TBC1D2: variants seen among roughly 807,000 people sequenced by gnomAD.
TBC1D2 encodes TBC1 domain family member 2A.
Under a neutral mutation model 91.1 loss-of-function variants are expected in TBC1D2, and 58 were observed. The ratio of observed to expected loss-of-function variants is 0.64; its 90% CI spans 0.52 to 0.79. The LOEUF is 0.79. TBC1D2 is among the 30% of genes least tolerant of loss of function. The pLI, the probability that TBC1D2 is intolerant of heterozygous loss-of-function variation, is 0.00. For missense variants in TBC1D2, 1,080 were observed against 1,208.3 expected, an observed-to-expected ratio of 0.89 and a Z score of 1.57; for synonymous variants, 482 against 511.5, an observed-to-expected ratio of 0.94 and a Z score of 0.78.
chr9:98,235,777 G>A (rs758673855), intron 3 of TBC1D2, among the ~76,000 whole-genome samples: 2 of 152,204 alleles, frequency 1.3e-5, no homozygotes, highest in African/African-American at 4.8e-5. Context: ...GCTCACGCCT[G>A]TAATCCCAGC....
intron 3 of TBC1D2, chr9:98,235,160 G>A (rs569034430): frequency 9.3e-5 from 23 of 246,516 alleles, no homozygotes; most frequent in African/African-American, 2.1e-4. Flanking sequence ...CTGAGATTAC[G>A]CCACTGCACC....
intron 4 of TBC1D2, among the ~76,000 whole-genome samples, chr9:98,233,021 T>G (rs1829410374): frequency 6.6e-6 from 1 of 152,152 alleles, no homozygotes; most frequent in Non-Finnish European, 1.5e-5. Context: ...TATTAACAGG[T>G]GGGGCCCTTG....
chr9:98,201,404 G>A (rs1828496911), intron 11 of TBC1D2, 75 bp downstream of exon 11: 2 of 1,381,868 alleles, frequency 1.4e-6, no homozygotes, highest in South Asian at 1.3e-5. Context: ...CCATTCTCCA[G>A]GGGCAGAGTC....
chr9:98,213,054 G>T, intron 7 of TBC1D2, 54 bp downstream of exon 7: 1 of 1,591,022 alleles, frequency 6.3e-7, no homozygotes, highest in South Asian at 1.1e-5. Flanking sequence ...GCAGCATGGG[G>T]ACCAGCAGAG....
Position 98,210,639 on chromosome 9 carries a change from T to C in TBC1D2, c.1673+17A>G. The C allele has an allele frequency of 1.3e-6, 2 of 1,563,360 alleles. No homozygotes were observed. Among genetic ancestry groups the C allele is most frequent in the Non-Finnish European group, 1.7e-6 (2 of 1,152,056 alleles). On this transcript the variant is annotated intron_variant, in intron 8 of 12. Coordinates refer to ENST00000465784, the MANE Select transcript of TBC1D2 (RefSeq NM_001267571.2). Reference sequence around the variant, plus strand: ...CCAGCTCACATAGACCAGCCCTTCCTGGGCCGCCAGGCTCACCTGATGGGG... The same window carrying C: ...CCAGCTCACATAGACCAGCCCTTCCCGGGCCGCCAGGCTCACCTGATGGGG...
chr9:98,208,838 C>G lies in TBC1D2; in HGVS notation c.1980G>C (p.Gln660His), dbSNP rs551026658. ...GGCGGGCAGCAGGGTGCTCGCGGGCCTGGCCCCGGCTCAGCAGTTCCTGGT... is the reference window on the plus strand; with the variant it reads ...GGCGGGCAGCAGGGTGCTCGCGGGCGTGGCCCCGGCTCAGCAGTTCCTGGT... ...GCYQELLSRG[Q>H]AREHPAARQI... Residue 660 changes from glutamine to histidine, a missense_variant, in exon 9 of 13, where the codon CAG (glutamine) becomes CAC (histidine). Physicochemically the swap from Gln to His is conservative, Grantham distance 24. Coordinates refer to ENST00000465784, the MANE Select transcript of TBC1D2 (RefSeq NM_001267571.2). 20 of 1,609,256 alleles carry G rather than the reference C, an allele frequency of 1.2e-5. No homozygotes were observed. In the East Asian group the frequency reaches 4.0e-4, roughly 32 times the overall value.
chr9:98,213,235 A>G lies in TBC1D2; in HGVS notation c.1375-17T>C. 6.2e-7 allele frequency: 1 copy of G among 1,613,992 alleles called. No homozygotes were observed. The highest frequency in any genetic ancestry group is 8.5e-7 in the Non-Finnish European group (1 of 1,179,944). ...CATGTCATCCTGGAGAAGAGAGTAA[A>G]ATATGTTATCAGTTGGACATAAACA... On this transcript the variant is annotated splice_polypyrimidine_tract_variant and intron_variant, in intron 6 of 12. Coordinates refer to ENST00000465784, the MANE Select transcript of TBC1D2 (RefSeq NM_001267571.2).
At chr9:98,242,542 C>CA (rs1270192739) in intron 3 of TBC1D2, among the ~76,000 whole-genome samples, 2 of 152,112 alleles carry the variant, frequency 1.3e-5, no homozygotes, top group African/African-American at 4.8e-5. Context: ...TCCATCCCTT[C>CA]AACTAGAGTA....
In TBC1D2 at chr9:98,201,625, G is replaced by C; in HGVS notation, c.2311C>G (p.Leu771Val). The change falls in exon 11 of 13, where the codon CTG (leucine) becomes GTG (valine). Residue 771 changes from leucine (L) to valine (V), a missense_variant. Physicochemically the swap from Leu to Val is conservative, Grantham distance 32. Transcript: ENST00000465784. ...CCCAGATGGGCCATCAGCCTGGGCAGCTTCTCCGAGAGCAGGTCCTGGAGC... is the reference window on the plus strand; with the variant it reads ...CCCAGATGGGCCATCAGCCTGGGCACCTTCTCCGAGAGCAGGTCCTGGAGC... Reference protein sequence around the residue: ...RVLQDLLSEKLPRLMAHLGQH... With the variant: ...RVLQDLLSEKVPRLMAHLGQH... 3 of 1,613,832 alleles carry C rather than the reference G, an allele frequency of 1.9e-6. No individual in the cohort carries two copies. Among genetic ancestry groups the C allele is most frequent in the South Asian group, 2.2e-5 (2 of 91,070 alleles).
At chr9:98,201,450 C>A in intron 11 of TBC1D2, 29 bp downstream of exon 11, 3 of 1,604,448 alleles carry the variant, frequency 1.9e-6, no homozygotes, top group Non-Finnish European at 2.6e-6. Flanking sequence ...GCTCAGGGGC[C>A]CCCTGCCCAT....
chr9:98,222,622 G>A lies in TBC1D2; in HGVS notation c.979-1394C>T, dbSNP rs148940115. On this transcript the variant is annotated intron_variant, in intron 5 of 12. Coordinates refer to ENST00000465784, the MANE Select transcript of TBC1D2 (RefSeq NM_001267571.2). ...GGCCTATCTGTCCCAAAGCAGGGATGTGAATTTGTTCTGGGCCAGGATCAG... is the reference window on the plus strand; with the variant it reads ...GGCCTATCTGTCCCAAAGCAGGGATATGAATTTGTTCTGGGCCAGGATCAG... 7.2e-5 allele frequency among the ~76,000 whole-genome samples: 11 copies of A among 152,366 alleles called. No individual in the cohort carries two copies. The East Asian group carries it at 2.1e-3, about 29-fold the overall frequency.
At chr9:98,250,817 G>C (rs1829857427) in intron 2 of TBC1D2, among the ~76,000 whole-genome samples, 4 of 152,146 alleles carry the variant, frequency 2.6e-5, no homozygotes, top group African/African-American at 9.7e-5. Context: ...CTGTGAGGTG[G>C]TCCATACCGA....
chr9:98,232,342 G>GTTTTTTTTTTTTTTTTTTTTT lies in TBC1D2; in HGVS notation c.781+1073_781+1074insAAAAAAAAAAAAAAAAAAAAA, dbSNP rs753455224. Among the ~76,000 whole-genome samples, 98 of 86,740 alleles carry GTTTTTTTTTTTTTTTTTTTTT rather than the reference G, an allele frequency of 1.1e-3. 9 individuals are homozygous for GTTTTTTTTTTTTTTTTTTTTT. Among genetic ancestry groups the GTTTTTTTTTTTTTTTTTTTTT allele is most frequent in the African/African-American group, 1.5e-3 (33 of 21,990 alleles). 56.9% of individuals were successfully genotyped at this position (86,740 alleles called of 152,430 possible). ...TTTCTTTTCTTCTTTCTCTTTTTCT[G>GTTTTTTTTTTTTTTTTTTTTT]TTTTTTTTTTTGACAGTGTCTCACT... On this transcript the variant is annotated intron_variant, in intron 4 of 12. Transcript: ENST00000465784.
chr9:98,227,751 C>T (rs1829268363), intron 5 of TBC1D2, among the ~76,000 whole-genome samples: 1 of 149,454 alleles, frequency 6.7e-6, no homozygotes, highest in African/African-American at 2.5e-5. Flanking sequence ...CACTGCACTC[C>T]AGCCTGGGTG....
chr9:98,239,076 A>G (rs1805202306), intron 3 of TBC1D2, among the ~76,000 whole-genome samples: 1 of 151,602 alleles, frequency 6.6e-6, no homozygotes, highest in Admixed American at 6.6e-5. Context: ...ACTATTATTT[A>G]GAGACAGTGT....
chr9:98,251,003 C>T (rs1022604865), intron 2 of TBC1D2, among the ~76,000 whole-genome samples: 3 of 152,092 alleles, frequency 2.0e-5, no homozygotes, highest in Admixed American at 6.5e-5. Context: ...AATAATTGAT[C>T]TGGCCAGGCA....
At chr9:98,243,934 A>G (rs10818667) in intron 3 of TBC1D2, 60 bp downstream of exon 3, 530,037 of 1,561,194 alleles carry the variant, frequency 0.34, 97,059 homozygotes, top group African/African-American at 0.73. Context: ...ACAGTGGGTC[A>G]AGCTCCACTG....
At chr9:98,232,646 T>A (rs1829400259) in intron 4 of TBC1D2, among the ~76,000 whole-genome samples, 1 of 151,856 alleles carries the variant, frequency 6.6e-6, no homozygotes, top group African/African-American at 2.4e-5. Flanking sequence ...CTGAAAAAAT[T>A]ATAGACTCAC....
rs757691025 is a variant in TBC1D2 at position 98,229,073 on chromosome 9, C to G, written c.857G>C (p.Arg286Pro). 1 of 1,614,172 alleles carries G rather than the reference C, an allele frequency of 6.2e-7. No homozygotes were observed. Among genetic ancestry groups the G allele is most frequent in the South Asian group, 1.1e-5 (1 of 91,084 alleles). Residue 286 changes from arginine (R) to proline (P), a missense_variant, in exon 5 of 13, where the codon CGC (arginine) becomes CCC (proline). Arg to Pro is a moderately radical substitution (Grantham distance 103). Coordinates refer to ENST00000465784, the MANE Select transcript of TBC1D2 (RefSeq NM_001267571.2). The stretch of plus-strand genomic sequence containing the variant: ...AAAGAATGGGAAGGTGTTGTTCTGG[C>G]GCTTGGCTTTCTGAGCGAAACTGAT... Reference protein sequence around the residue: ...LTISFAQKAKRQNNTFPFFSE... With the variant: ...LTISFAQKAKPQNNTFPFFSE...
Sources: gnomAD v4.1 joint callset for allele counts (sites outside exome capture counted in the v4.1 genomes callset) on GRCh38, gnomAD v4.1.1 for gene constraint, MANE v1.5 for transcripts, NCBI Gene and HGNC (gene_info 2026-07-23, HGNC 2026-07-21) for gene names.